Variants in LHCGR observed in about 807,000 individuals in gnomAD.
LHCGR encodes lutropin-choriogonadotropic hormone receptor.
In LHCGR, 55 loss-of-function variants were observed where a neutral mutation model predicts 60.7. The observed-to-expected ratio is 0.91, with a 90% confidence interval of 0.73 to 1.13. The LOEUF is 1.13. Among genes scored for constraint, LHCGR ranks in the 50% most tolerant of loss-of-function variants. The pLI, the probability that LHCGR is intolerant of heterozygous loss-of-function variation, is 0.00. For missense variants in LHCGR, 862 were observed against 836.0 expected, an observed-to-expected ratio of 1.03 and a Z score of -0.38; for synonymous variants, 337 against 316.5, an observed-to-expected ratio of 1.06 and a Z score of -0.69.
rs1342882822 is a variant in LHCGR, at chr2:48,714,064, G to A, written c.537-10C>T. The A allele has an allele frequency of 6.2e-7, 1 of 1,605,668 alleles. No individual in the cohort carries two copies. Among genetic ancestry groups the A allele is most frequent in the Non-Finnish European group, 8.5e-7 (1 of 1,172,446 alleles). Reference sequence around the variant, plus strand: ...ATTTCCATATAGTTTGCTGAAGGAGGGAGGAGAGGGTTTAGGAATGGGAAG... The same window carrying A: ...ATTTCCATATAGTTTGCTGAAGGAGAGAGGAGAGGGTTTAGGAATGGGAAG... On this transcript the variant is annotated splice_polypyrimidine_tract_variant and intron_variant, in intron 6 of 10. Coordinates refer to ENST00000294954, the MANE Select transcript of LHCGR (RefSeq NM_000233.4).
intron 1 of LHCGR, among the ~76,000 whole-genome samples, chr2:48,732,551 A>C (rs1208768379): frequency 6.6e-6 from 1 of 152,200 alleles, no homozygotes; most frequent in African/African-American, 2.4e-5. Context: ...AGCAGAAGAA[A>C]TTGGGTCACA....
intron 3 of LHCGR, among the ~76,000 whole-genome samples, chr2:48,727,376 A>G (rs1024626442): frequency 6.6e-6 from 1 of 152,192 alleles, no homozygotes; most frequent in Non-Finnish European, 1.5e-5. Flanking sequence ...GCATCGTTCT[A>G]TGTGCTGGGA....
At chr2:48,733,062 C>T (rs949167644) in intron 1 of LHCGR, 2 of 481,412 alleles carry the variant, frequency 4.2e-6, no homozygotes, top group South Asian at 1.6e-5. Context: ...TTTTATTGCT[C>T]TCTGCACTGC....
At chr2:48,748,712 TATGTGAA>T (rs1476937771) in intron 1 of LHCGR, among the ~76,000 whole-genome samples, 1 of 152,224 alleles carries the variant, frequency 6.6e-6, no homozygotes, top group Non-Finnish European at 1.5e-5. Context: ...ACCTTGTAGC[TATGTGAA>T]AACTTTATTT....
chr2:48,716,774 T>G (rs1668268028), intron 6 of LHCGR, among the ~76,000 whole-genome samples: 1 of 152,172 alleles, frequency 6.6e-6, no homozygotes, highest in Admixed American at 6.5e-5. Flanking sequence ...CTCTTTTAGA[T>G]AAAGGAATCA....
chr2:48,709,660 A>C (rs989538269), intron 7 of LHCGR, among the ~76,000 whole-genome samples: 3 of 152,104 alleles, frequency 2.0e-5, no homozygotes, highest in Non-Finnish European at 2.9e-5. Context: ...AAAAGTGTTG[A>C]GGGCCTCTAC....
intron 1 of LHCGR, among the ~76,000 whole-genome samples, chr2:48,748,871 G>A (rs555259984): frequency 6.7e-4 from 102 of 152,184 alleles, no homozygotes; most frequent in African/African-American, 2.0e-3. Flanking sequence ...TAGAAAAAGG[G>A]GACCTGGTGC....
At chr2:48,744,107 GAAT>G (rs1669593706) in intron 1 of LHCGR, among the ~76,000 whole-genome samples, 1 of 58,438 alleles carries the variant, frequency 1.7e-5, no homozygotes, top group Non-Finnish European at 3.1e-5. Flanking sequence ...GCTTCAAAGA[GAAT>G]AAAATACCTA....
At chr2:48,755,114 T>C (rs1337270105) in intron 1 of LHCGR, among the ~76,000 whole-genome samples, 1 of 152,112 alleles carries the variant, frequency 6.6e-6, no homozygotes, top group African/African-American at 2.4e-5. Flanking sequence ...CACATTCACC[T>C]TCCCTGACGT....
rs868210080 is a variant in LHCGR at position 48,725,692 on chromosome 2, G to A, written c.367C>T (p.Pro123Ser). The change falls in exon 4 of 11, where the codon CCC (proline) becomes TCC (serine). Residue 123 changes from proline (P) to serine (S), a missense_variant. By Grantham distance (74) the Pro-to-Ser change is moderately conservative. Coordinates refer to ENST00000294954, the MANE Select transcript of LHCGR (RefSeq NM_000233.4). Reference protein sequence around the residue: ...YIEPGAFINLPRLKYLSICNT... With the variant: ...YIEPGAFINLSRLKYLSICNT... ...ATTTCTCACAAGTATTTTAATCGGG[G>A]AAGATTTATAAATGCTCCGGGCTCA... is the stretch of plus-strand genomic sequence containing the variant. 2 of 1,612,940 alleles carry A rather than the reference G, an allele frequency of 1.2e-6. No individual in the cohort carries two copies. Among genetic ancestry groups the A allele is most frequent in the Non-Finnish European group, 1.7e-6 (2 of 1,179,090 alleles).
At chr2:48,752,984 G>GGGGC (rs1553400354) in intron 1 of LHCGR, among the ~76,000 whole-genome samples, 2 of 94,104 alleles carry the variant, frequency 2.1e-5, no homozygotes, top group African/African-American at 8.7e-5. Flanking sequence ...ATTTTGGCGG[G>GGGGC]GGGGGGGGGG....
At chr2:48,733,660 G>T (rs1225985629) in intron 1 of LHCGR, among the ~76,000 whole-genome samples, 1 of 152,162 alleles carries the variant, frequency 6.6e-6, no homozygotes, top group Non-Finnish European at 1.5e-5. Context: ...GAGAGGTGGG[G>T]TTAGGCAGGT....
At chr2:48,696,327 C>T (rs182194716) in intron 9 of LHCGR, among the ~76,000 whole-genome samples, 14 of 152,328 alleles carry the variant, frequency 9.2e-5, no homozygotes, top group African/African-American at 3.4e-4. Flanking sequence ...AAAGGACAGG[C>T]TCAGAAGGGA....
intron 1 of LHCGR, among the ~76,000 whole-genome samples, chr2:48,738,008 T>A (rs1477768733): frequency 6.6e-6 from 1 of 152,210 alleles, no homozygotes; most frequent in Non-Finnish European, 1.5e-5. Context: ...TCAAGTCACA[T>A]CAGTACTGTT....
rs190394032 is a variant in LHCGR at position 48,691,277 on chromosome 2, G to T, written c.948-2428C>A. On this transcript the variant is annotated intron_variant, in intron 10 of 10. Coordinates refer to ENST00000294954, the MANE Select transcript of LHCGR (RefSeq NM_000233.4). ...GAGTGGAGGAGATAATAAATTGGAA[G>T]AATACAATACTGAAGGGAAAGAACA... Among the ~76,000 whole-genome samples, 37 of 152,166 alleles carry T rather than the reference G, an allele frequency of 2.4e-4. No homozygotes were observed. In the East Asian group the frequency reaches 6.6e-3, roughly 27 times the overall value.
intron 10 of LHCGR, among the ~76,000 whole-genome samples, chr2:48,692,623 G>A (rs887589421): frequency 9.9e-5 from 15 of 152,194 alleles, no homozygotes; most frequent in Non-Finnish European, 1.8e-4. Flanking sequence ...TGAATCAGAG[G>A]AAGGAGAGCT....
chr2:48,743,192 C>T (rs1335791574), intron 1 of LHCGR, among the ~76,000 whole-genome samples: 1 of 152,066 alleles, frequency 6.6e-6, no homozygotes, highest in African/African-American at 2.4e-5. Flanking sequence ...GAAATTGTGG[C>T]AATAATCAAT....
intron 8 of LHCGR, among the ~76,000 whole-genome samples, chr2:48,705,909 G>T (rs1390979396): frequency 6.6e-6 from 1 of 152,122 alleles, no homozygotes; most frequent in Non-Finnish European, 1.5e-5. Context: ...GATTAATATT[G>T]TTATGTGTGA....
At chr2:48,752,824 C>T (rs1211887245) in intron 1 of LHCGR, among the ~76,000 whole-genome samples, 1 of 152,024 alleles carries the variant, frequency 6.6e-6, no homozygotes. Context: ...CCCTCATTCC[C>T]TGTATCTTCA....
Sources: allele counts gnomAD v4.1 joint callset (sites outside exome capture counted in the v4.1 genomes callset), GRCh38; gene constraint gnomAD v4.1.1; transcripts MANE v1.5; gene names NCBI Gene and HGNC (gene_info 2026-07-23, HGNC 2026-07-21).